The following LDB2 variants were observed in gnomAD, a reference collection of about 807,000 sequenced individuals.
LDB2 encodes the protein LIM domain-binding protein 2.
Under a neutral mutation model 44.3 loss-of-function variants are expected in LDB2, and 12 were observed. The observed-to-expected ratio is 0.27, with a 90% confidence interval of 0.17 to 0.44. The LOEUF is 0.44. Ranked by LOEUF, LDB2 falls within the 20% of genes least tolerant of loss-of-function variation. LDB2 has a pLI of 1.00. For missense variants in LDB2, 344 were observed against 473.5 expected (o/e 0.73, Z 2.54); for synonymous variants, 164 against 174.8 (o/e 0.94, Z 0.49).
At chr4:16,680,010 T>C (rs540024352) in intron 2 of LDB2, among the ~76,000 whole-genome samples, 1 of 152,304 alleles carries the variant, frequency 6.6e-6, no homozygotes, top group South Asian at 2.1e-4. Flanking sequence ...AATTCCTGTA[T>C]TGAAGCCCTA....
At chr4:16,690,526 G>A (rs1487708321) in intron 2 of LDB2, among the ~76,000 whole-genome samples, 6 of 39,864 alleles carry the variant, frequency 1.5e-4, no homozygotes, top group Non-Finnish European at 2.5e-4. Context: ...AGGGGGGAGG[G>A]AGGGAGGGAG....
At chr4:16,592,433 AT>A (rs1719341435) in intron 3 of LDB2, among the ~76,000 whole-genome samples, 2 of 148,162 alleles carry the variant, frequency 1.3e-5, no homozygotes, top group Admixed American at 1.4e-4. Context: ...GTGGTACTGC[AT>A]ATGTAAACGC....
chr4:16,702,192 A>G (rs1247013319), intron 2 of LDB2, among the ~76,000 whole-genome samples: 1 of 152,256 alleles, frequency 6.6e-6, no homozygotes, highest in African/African-American at 2.4e-5. Flanking sequence ...GGCTGCTGGA[A>G]AGAGATCAGA....
At chr4:16,726,971 A>C (rs1759622411) in intron 2 of LDB2, among the ~76,000 whole-genome samples, 1 of 152,244 alleles carries the variant, frequency 6.6e-6, no homozygotes, top group Non-Finnish European at 1.5e-5. Context: ...ATTTCTTAAC[A>C]ATGTTCACAT....
intron 2 of LDB2, among the ~76,000 whole-genome samples, chr4:16,749,377 G>A (rs1764992196): frequency 6.6e-6 from 1 of 151,608 alleles, no homozygotes; most frequent in Admixed American, 6.6e-5. Flanking sequence ...CGCCAATGTG[G>A]TGAAACCTCG....
At chr4:16,867,315 G>C (rs1715044217) in intron 1 of LDB2, among the ~76,000 whole-genome samples, 1 of 152,194 alleles carries the variant, frequency 6.6e-6, no homozygotes, top group African/African-American at 2.4e-5. Flanking sequence ...AATACAGTAA[G>C]TGTAAGACTC....
intron 2 of LDB2, among the ~76,000 whole-genome samples, chr4:16,642,658 C>A (rs1735524805): frequency 6.6e-6 from 1 of 152,158 alleles, no homozygotes; most frequent in Non-Finnish European, 1.5e-5. Flanking sequence ...CTCCAGGTGA[C>A]CATGATCAAT....
intron 5 of LDB2, among the ~76,000 whole-genome samples, chr4:16,525,884 T>A (rs944101437): frequency 5.9e-5 from 9 of 152,146 alleles, no homozygotes; most frequent in African/African-American, 2.2e-4. Flanking sequence ...TGCAGAGATA[T>A]CCACATTCTA....
chr4:16,646,309 T>A (rs1353129133), intron 2 of LDB2, among the ~76,000 whole-genome samples: 3 of 152,222 alleles, frequency 2.0e-5, no homozygotes, highest in Non-Finnish European at 4.4e-5. Context: ...AACAAGTCAG[T>A]TTCAGAGTAC....
At chr4:16,594,594 G>A (rs1255673733) in intron 3 of LDB2, among the ~76,000 whole-genome samples, 1 of 152,150 alleles carries the variant, frequency 6.6e-6, no homozygotes. Context: ...TTTGCCTTTG[G>A]TTTCGTACAC....
intron 2 of LDB2, among the ~76,000 whole-genome samples, chr4:16,654,244 A>T (rs1356895035): frequency 6.6e-6 from 1 of 152,202 alleles, no homozygotes; most frequent in Non-Finnish European, 1.5e-5. Context: ...TGTTTGTGAA[A>T]ATAAGGAGAT....
In LDB2 at chr4:16,878,657, A is replaced by G. The variant is rs550552426; in HGVS notation, c.132+19697T>C. Among the ~76,000 whole-genome samples, 3 of 152,348 alleles carry G rather than the reference A, an allele frequency of 2.0e-5. No homozygotes were observed. In the East Asian group the frequency reaches 5.8e-4, roughly 29 times the overall value. On this transcript the variant is annotated intron_variant, in intron 1 of 7. Transcript: ENST00000304523. ...AAAAAGCCAAAACCCTTAACATCCT[A>G]TCTGTAGTCAAACACGGTCTGACCC...
At chr4:16,652,249 A>G (rs778562170) in intron 2 of LDB2, among the ~76,000 whole-genome samples, 1 of 152,224 alleles carries the variant, frequency 6.6e-6, no homozygotes, top group Non-Finnish European at 1.5e-5. Context: ...GCCAACCTGT[A>G]CTTTACTTTT....
intron 2 of LDB2, among the ~76,000 whole-genome samples, chr4:16,721,046 T>C (rs1758159275): frequency 6.6e-6 from 1 of 152,184 alleles, no homozygotes; most frequent in Admixed American, 6.5e-5. Flanking sequence ...TGACAAACCA[T>C]AAACTCCCTT....
At chr4:16,733,164 G>A (rs563974554) in intron 2 of LDB2, among the ~76,000 whole-genome samples, 19 of 152,306 alleles carry the variant, frequency 1.2e-4, no homozygotes, top group South Asian at 6.2e-4. Context: ...AGGTGAGGCT[G>A]CCTACTACCT....
At chr4:16,805,515 A>G (rs1029019409) in intron 1 of LDB2, among the ~76,000 whole-genome samples, 42 of 152,218 alleles carry the variant, frequency 2.8e-4, no homozygotes, top group African/African-American at 9.2e-4. Flanking sequence ...GGTGGAGAAC[A>G]ATGCACAGGC....
intron 1 of LDB2, among the ~76,000 whole-genome samples, chr4:16,813,581 TATG>T (rs1780315222): frequency 6.6e-6 from 1 of 152,170 alleles, no homozygotes; most frequent in Non-Finnish European, 1.5e-5. Context: ...TCTGCATTTA[TATG>T]ATATTTTTCA....
At chr4:16,643,761 TA>T (rs530817482) in intron 2 of LDB2, among the ~76,000 whole-genome samples, 23 of 147,854 alleles carry the variant, frequency 1.6e-4, no homozygotes, top group South Asian at 4.3e-4. Context: ...GTTGTTTAAA[TA>T]AAAAAAAAAC....
intron 1 of LDB2, among the ~76,000 whole-genome samples, chr4:16,778,177 G>T (rs1346286944): frequency 6.6e-6 from 1 of 152,094 alleles, no homozygotes; most frequent in Non-Finnish European, 1.5e-5. Context: ...ATGCTTTAAG[G>T]TCTGACATCT....
Sources: allele counts gnomAD v4.1 joint callset (sites outside exome capture counted in the v4.1 genomes callset), GRCh38; gene constraint gnomAD v4.1.1; transcripts MANE v1.5; gene names NCBI Gene and HGNC (gene_info 2026-07-23, HGNC 2026-07-21).